Variants in SLC35F4 observed in about 807,000 individuals in gnomAD.
SLC35F4 encodes the protein chromosome 14 open reading frame 36.
In SLC35F4, 24 loss-of-function variants were observed where a neutral mutation model predicts 44.2. The observed-to-expected ratio is 0.54, with a 90% confidence interval of 0.39 to 0.76. SLC35F4 has a LOEUF of 0.76. Ranked by LOEUF, SLC35F4 falls within the 30% of genes least tolerant of loss-of-function variation. The probability of loss-of-function intolerance (pLI) is 0.00; values close to 1 mark genes in which losing one functional copy is unlikely to be tolerated. For synonymous variants in SLC35F4, 238 were observed against 223.6 expected, an observed-to-expected ratio of 1.06 and a Z score of -0.57; for missense variants, 562 against 586.1, an observed-to-expected ratio of 0.96 and a Z score of 0.42.
chr14:57,877,310 A>T (rs186239989), intron 1 of SLC35F4, among the ~76,000 whole-genome samples: 1 of 152,100 alleles, frequency 6.6e-6, no homozygotes, highest in South Asian at 2.1e-4. Flanking sequence ...GCCTCCATCC[A>T]TGTTGTTGCA....
chr14:57,953,248 C>A lies in SLC35F4; in HGVS notation n.282+28665G>T, dbSNP rs1594649604. Among the ~76,000 whole-genome samples the A allele has an allele frequency of 2.6e-5, 4 of 152,266 alleles. No individual in the cohort carries two copies. The South Asian group carries it at 8.3e-4, about 32-fold the overall frequency. On this transcript the variant is annotated intron_variant and non_coding_transcript_variant, in intron 1 of 1. Coordinates refer to the SLC35F4 transcript ENST00000556568. ...AGCAAATGCTAAGAGATTTTACCAC[C>A]ACCAGGCCTGACTTACAAGAGCTCC...
intron 1 of SLC35F4, among the ~76,000 whole-genome samples, chr14:57,939,742 G>A (rs1178059069): frequency 2.6e-5 from 4 of 152,162 alleles, no homozygotes; most frequent in Non-Finnish European, 2.9e-5. Flanking sequence ...GCTGGGAGTT[G>A]GGTAGAAGGC....
chr14:57,845,791 C>G (rs977576923), intron 1 of SLC35F4, among the ~76,000 whole-genome samples: 9 of 152,112 alleles, frequency 5.9e-5, no homozygotes, highest in Non-Finnish European at 8.8e-5. Context: ...TGCTTTGCCA[C>G]CATTTTCCAT....
At chr14:57,955,735 G>C (rs1202300558) in intron 1 of SLC35F4, among the ~76,000 whole-genome samples, 1 of 152,246 alleles carries the variant, frequency 6.6e-6, no homozygotes, top group East Asian at 1.9e-4. Flanking sequence ...ACTTACAACG[G>C]ATGTGAAGGA....
At chr14:57,924,633 G>A (rs1391063538) in intron 1 of SLC35F4, among the ~76,000 whole-genome samples, 2 of 151,994 alleles carry the variant, frequency 1.3e-5, no homozygotes, top group African/African-American at 2.4e-5. Context: ...ATTTTTAGTA[G>A]AGACAGGGTT....
chr14:57,734,463 A>G (rs1219412284), intron 1 of SLC35F4, among the ~76,000 whole-genome samples: 1 of 152,226 alleles, frequency 6.6e-6, no homozygotes, highest in African/African-American at 2.4e-5. Context: ...ATACACGTAT[A>G]ATTTTCAATC....
intron 1 of SLC35F4, among the ~76,000 whole-genome samples, chr14:57,740,393 G>A (rs1156901944): frequency 6.6e-6 from 1 of 151,968 alleles, no homozygotes; most frequent in African/African-American, 2.4e-5. Flanking sequence ...TGCATATTTT[G>A]TCTCCAAATA....
At chr14:57,916,355 G>T (rs1465319708) in intron 1 of SLC35F4, among the ~76,000 whole-genome samples, 1 of 152,266 alleles carries the variant, frequency 6.6e-6, no homozygotes, top group East Asian at 1.9e-4. Context: ...ATGAGTTTTG[G>T]TGGGGATATT....
At chr14:57,585,903 A>C (rs891713140) in intron 3 of SLC35F4, among the ~76,000 whole-genome samples, 4 of 152,220 alleles carry the variant, frequency 2.6e-5, no homozygotes, top group African/African-American at 9.7e-5. Context: ...ATACTGCCCA[A>C]AGTAATTTAT....
At chr14:57,952,526 G>A (rs1478010790) in intron 1 of SLC35F4, among the ~76,000 whole-genome samples, 2 of 151,936 alleles carry the variant, frequency 1.3e-5, no homozygotes, top group African/African-American at 4.8e-5. Flanking sequence ...ATGCAAGGAA[G>A]CTAAGAACCT....
intron 1 of SLC35F4, among the ~76,000 whole-genome samples, chr14:57,800,231 G>C (rs1189402823): frequency 6.6e-6 from 1 of 151,320 alleles, no homozygotes; most frequent in Non-Finnish European, 1.5e-5. Flanking sequence ...AAGGCCGCTG[G>C]GGTCTGGAGC....
chr14:57,963,675 A>G (rs899908683), intron 1 of SLC35F4, among the ~76,000 whole-genome samples: 2 of 143,916 alleles, frequency 1.4e-5, no homozygotes, highest in Non-Finnish European at 3.0e-5. Context: ...TCTTTGACCC[A>G]GAGCCCACCC....
intron 7 of SLC35F4, among the ~76,000 whole-genome samples, chr14:57,564,726 CT>C (rs1401789953): frequency 1.1e-4 from 16 of 152,110 alleles, no homozygotes; most frequent in Admixed American, 7.9e-4. Context: ...GCAGGCTGTT[CT>C]TTTTAAAAAT....
chr14:57,822,444 C>A (rs149315146), intron 1 of SLC35F4, among the ~76,000 whole-genome samples: 4 of 152,232 alleles, frequency 2.6e-5, no homozygotes, highest in African/African-American at 9.6e-5. Flanking sequence ...AGTTGCAGAC[C>A]TATGGGAAGA....
intron 3 of SLC35F4, among the ~76,000 whole-genome samples, chr14:57,584,504 CTAAGAATTGTCTGACAA>C (rs1215188499): frequency 6.6e-6 from 1 of 152,150 alleles, no homozygotes; most frequent in Admixed American, 6.5e-5. Flanking sequence ...GATCGAGAAT[CTAAGAATTGTCTGACAA>C]TTTTACCTCT....
At chr14:57,610,850 T>C (rs183556) in intron 1 of SLC35F4, among the ~76,000 whole-genome samples, 92,760 of 151,764 alleles carry the variant, frequency 0.61, 30,534 homozygotes, top group Non-Finnish European at 0.74. Context: ...CCCGAATTGA[T>C]AAAACAGACA....
chr14:57,709,748 T>C (rs1257942723), intron 1 of SLC35F4, among the ~76,000 whole-genome samples: 1 of 152,156 alleles, frequency 6.6e-6, no homozygotes, highest in East Asian at 1.9e-4. Flanking sequence ...TAAGATCTCT[T>C]AGATACCCTA....
At chr14:57,628,689 G>C (rs2072604222) in intron 1 of SLC35F4, among the ~76,000 whole-genome samples, 1 of 152,078 alleles carries the variant, frequency 6.6e-6, no homozygotes, top group African/African-American at 2.4e-5. Flanking sequence ...TCTTTATCCA[G>C]CTAAATAAAT....
At chr14:57,567,595 T>G (rs1264892746) in intron 6 of SLC35F4, among the ~76,000 whole-genome samples, 1 of 152,260 alleles carries the variant, frequency 6.6e-6, no homozygotes, top group East Asian at 1.9e-4. Context: ...CATACAATAG[T>G]GGCAAGCAAG....
Sources: allele counts gnomAD v4.1 joint callset (sites outside exome capture counted in the v4.1 genomes callset), GRCh38; gene constraint gnomAD v4.1.1; transcripts MANE v1.5; gene names NCBI Gene and HGNC (gene_info 2026-07-23, HGNC 2026-07-21).